The following FREM1 variants were observed in gnomAD, a reference collection of about 807,000 sequenced individuals.
FREM1 encodes FRAS1-related extracellular matrix protein 1.
FREM1 carries 220 observed loss-of-function variants against 210.1 expected under a neutral mutation model. The ratio of observed to expected loss-of-function variants is 1.05; its 90% confidence interval spans 0.94 to 1.17. FREM1 has a LOEUF of 1.17. Ranked by LOEUF, FREM1 falls within the 50% of genes most tolerant of loss-of-function variation. The pLI, the probability that FREM1 is intolerant of heterozygous loss-of-function variation, is 0.00. For synonymous variants in FREM1, 1,189 were observed against 980.2 expected (o/e 1.21, Z -3.98); for missense variants, 3,454 against 2,675.5 (o/e 1.29, Z -6.42).
In FREM1 at chr9:14,784,645, T is replaced by G; in HGVS notation, c.4178-11A>C. ...GGATGACAATATCACCTACATGACA[T>G]AAGAGGTTATGGTCAATAATCATAT... On this transcript the variant is annotated splice_polypyrimidine_tract_variant and intron_variant, in intron 23 of 36. Transcript: ENST00000380880. 1 of 1,532,900 alleles carries G rather than the reference T, an allele frequency of 6.5e-7. No homozygotes were observed. Among genetic ancestry groups the G allele is most frequent in the African/African-American group, 1.4e-5 (1 of 73,628 alleles). 95.0% of individuals were successfully genotyped at this position (1,532,900 alleles called of 1,614,324 possible).
chr9:14,813,804 A>AGC (rs1321558767), intron 15 of FREM1, among the ~76,000 whole-genome samples: 3 of 152,198 alleles, frequency 2.0e-5, no homozygotes, highest in Non-Finnish European at 2.9e-5. Context: ...CACAGCCACA[A>AGC]CTTGGTGTGT....
chr9:14,803,508 G>A (rs922086063), intron 19 of FREM1, among the ~76,000 whole-genome samples: 7 of 151,870 alleles, frequency 4.6e-5, no homozygotes, highest in Non-Finnish European at 1.0e-4. Flanking sequence ...ATAGGCATGT[G>A]TCACCAGCCT....
rs534102790 is a variant in FREM1, at chr9:14,824,024, C to A, written c.2169+1G>T. ...GTCAGCATTTTAGCATATCCTCATACCTGAGTGAATGACCTCAGCTCCAGG... is the reference window on the plus strand; with the variant it reads ...GTCAGCATTTTAGCATATCCTCATAACTGAGTGAATGACCTCAGCTCCAGG... On this transcript the variant is annotated splice_donor_variant, in intron 12 of 36. Coordinates refer to ENST00000380880, the MANE Select transcript of FREM1 (RefSeq NM_001379081.2). LOFTEE classifies it high-confidence loss of function. The A allele has an allele frequency of 1.3e-6, 2 of 1,575,332 alleles. No individual in the cohort carries two copies. Among genetic ancestry groups the A allele is most frequent in the Non-Finnish European group, 1.7e-6 (2 of 1,154,398 alleles).
intron 16 of FREM1, among the ~76,000 whole-genome samples, chr9:14,810,240 G>C (rs1373315078): frequency 6.6e-6 from 1 of 152,110 alleles, no homozygotes. Context: ...AGAGAAGACA[G>C]CTTTAAAAAC....
At chr9:14,761,417 A>C (rs903580065) in intron 27 of FREM1, among the ~76,000 whole-genome samples, 5 of 152,162 alleles carry the variant, frequency 3.3e-5, no homozygotes, top group African/African-American at 1.2e-4. Context: ...TTGCTACTTC[A>C]TATTAATAGA....
chr9:14,847,566 G>A (rs1415748547), intron 7 of FREM1, among the ~76,000 whole-genome samples: 1 of 152,140 alleles, frequency 6.6e-6, no homozygotes. Flanking sequence ...GAGCACAGCA[G>A]AGGAACAATC....
At chr9:14,821,479 T>C (rs1005647354) in intron 13 of FREM1, among the ~76,000 whole-genome samples, 1 of 152,212 alleles carries the variant, frequency 6.6e-6, no homozygotes, top group Non-Finnish European at 1.5e-5. Context: ...TTGGCTTCTT[T>C]AGTGCTAGGC....
At chr9:14,861,010 TAC>T (rs1270384465) in intron 3 of FREM1, among the ~76,000 whole-genome samples, 2 of 113,706 alleles carry the variant, frequency 1.8e-5, no homozygotes, top group African/African-American at 4.7e-5. Flanking sequence ...TACACATATA[TAC>T]ATATATACAC....
chr9:14,750,940 C>T (rs569600242), intron 29 of FREM1, among the ~76,000 whole-genome samples: 71 of 152,270 alleles, frequency 4.7e-4, no homozygotes, highest in Middle Eastern at 3.4e-3. Context: ...TTCACAGTAA[C>T]TTTGTGAACT....
At chr9:14,844,499 A>G (rs1826251470) in intron 8 of FREM1, among the ~76,000 whole-genome samples, 1 of 152,206 alleles carries the variant, frequency 6.6e-6, no homozygotes, top group South Asian at 2.1e-4. Context: ...TGCTGGGATT[A>G]CAGGTGTGAG....
At chr9:14,825,784 T>A (rs1822336442) in intron 10 of FREM1, among the ~76,000 whole-genome samples, 1 of 151,806 alleles carries the variant, frequency 6.6e-6, no homozygotes. Flanking sequence ...AGTCCCAGAC[T>A]TTCTACTTAT....
At chr9:14,756,588 A>T in intron 28 of FREM1, 142 bp from the exon 29 acceptor site, 2 of 568,056 alleles carry the variant, frequency 3.5e-6, no homozygotes, top group Non-Finnish European at 5.9e-6. Context: ...AAAATTATAT[A>T]AGCCATTTGG....
At chr9:14,869,862 G>C (rs533276082) in intron 1 of FREM1, among the ~76,000 whole-genome samples, 1 of 152,122 alleles carries the variant, frequency 6.6e-6, no homozygotes, top group Non-Finnish European at 1.5e-5. Context: ...GACTACGAAT[G>C]AGGTGACATA....
chr9:14,847,930 C>T (rs758388709), intron 7 of FREM1, among the ~76,000 whole-genome samples: 1 of 152,198 alleles, frequency 6.6e-6, no homozygotes, highest in African/African-American at 2.4e-5. Context: ...TAAATCAAGG[C>T]TGCTCACCTG....
At chr9:14,783,854 T>C (rs1166365797) in intron 24 of FREM1, among the ~76,000 whole-genome samples, 1 of 152,242 alleles carries the variant, frequency 6.6e-6, no homozygotes, top group Non-Finnish European at 1.5e-5. Context: ...ACATGATTTA[T>C]GATACAGTTA....
intron 10 of FREM1, among the ~76,000 whole-genome samples, chr9:14,838,504 C>CAG (rs1020414494): frequency 2.0e-5 from 3 of 151,954 alleles, no homozygotes; most frequent in Middle Eastern, 3.4e-3. Flanking sequence ...CACACACACA[C>CAG]ACACATACAC....
chr9:14,877,895 G>C (rs898194683), intron 1 of FREM1, among the ~76,000 whole-genome samples: 5 of 152,130 alleles, frequency 3.3e-5, no homozygotes, highest in Non-Finnish European at 7.4e-5. Flanking sequence ...AGTTTATAGT[G>C]ATTTGTTACA....
At chr9:14,883,261 GA>G (rs1245035121) in intron 1 of FREM1, among the ~76,000 whole-genome samples, 1 of 152,020 alleles carries the variant, frequency 6.6e-6, no homozygotes, top group Non-Finnish European at 1.5e-5. Context: ...ACACAGTTAG[GA>G]GGGGGGAAAA....
intron 10 of FREM1, among the ~76,000 whole-genome samples, chr9:14,829,109 G>T (rs1279334289): frequency 1.3e-5 from 2 of 152,002 alleles, no homozygotes; most frequent in Admixed American, 6.6e-5. Context: ...ACAACATCTA[G>T]CACAATTTTT....
Sources: gnomAD v4.1 joint callset for allele counts (sites outside exome capture counted in the v4.1 genomes callset) on GRCh38, gnomAD v4.1.1 for gene constraint, MANE v1.5 for transcripts, NCBI Gene and HGNC (gene_info 2026-07-23, HGNC 2026-07-21) for gene names.